SUGCT: variants seen among roughly 807,000 people sequenced by gnomAD.
The protein encoded by SUGCT is succinyl-CoA:glutarate-CoA transferase.
Under a neutral mutation model 55.0 loss-of-function variants are expected in SUGCT, and 41 were observed. The observed-to-expected ratio is 0.74, with a 90% CI of 0.58 to 0.97. The LOEUF (loss-of-function observed/expected upper bound fraction) is 0.97, where lower values mean the gene tolerates loss of function less well. Among genes scored for constraint, SUGCT ranks in the 50% least tolerant of loss-of-function variants. The probability of loss-of-function intolerance (pLI) is 0.00; values close to 1 mark genes in which losing one functional copy is unlikely to be tolerated. For synonymous variants in SUGCT, 187 were observed against 200.4 expected (o/e 0.93, Z 0.56); for missense variants, 568 against 547.8 (o/e 1.04, Z -0.37).
At chr7:40,612,107 A>T (rs1418758837) in intron 12 of SUGCT, among the ~76,000 whole-genome samples, 1 of 151,378 alleles carries the variant, frequency 6.6e-6, no homozygotes, top group Non-Finnish European at 1.5e-5. Context: ...TTCTATGTTC[A>T]TGATGTCTCT....
At chr7:40,888,060 C>A in the SUGCT span, among the ~76,000 whole-genome samples, 1 of 152,090 alleles carries the variant, frequency 6.6e-6, no homozygotes, top group Non-Finnish European at 1.5e-5. Context: ...GACTCCAAAG[C>A]CAATGCATTT....
chr7:40,847,411 CTT>C (rs981613426), intron 13 of SUGCT, among the ~76,000 whole-genome samples: 145 of 75,380 alleles, frequency 1.9e-3, no homozygotes, highest in Middle Eastern at 8.8e-3. Context: ...TTCTTTCTTT[CTT>C]TTTTTTTTTT....
At chr7:40,383,270 C>G (rs1032522366) in intron 9 of SUGCT, among the ~76,000 whole-genome samples, 1 of 152,164 alleles carries the variant, frequency 6.6e-6, no homozygotes, top group Admixed American at 6.6e-5. Context: ...GAGATTTGCT[C>G]TAATTCATGT....
the SUGCT span, among the ~76,000 whole-genome samples, chr7:40,926,999 C>G: frequency 6.6e-6 from 1 of 152,170 alleles, no homozygotes; most frequent in Admixed American, 6.5e-5. Flanking sequence ...GACAGTATAA[C>G]TGTTTAGACA....
chr7:40,700,443 C>T (rs1245339525), intron 12 of SUGCT, among the ~76,000 whole-genome samples: 1 of 152,152 alleles, frequency 6.6e-6, no homozygotes, highest in Non-Finnish European at 1.5e-5. Context: ...AGTGGGAAAC[C>T]TCCCCAATAT....
At chr7:40,822,762 A>G (rs1393751076) in intron 13 of SUGCT, among the ~76,000 whole-genome samples, 3 of 152,138 alleles carry the variant, frequency 2.0e-5, no homozygotes, top group Non-Finnish European at 4.4e-5. Flanking sequence ...GTAATCTCAT[A>G]TTGTTGAACG....
intron 12 of SUGCT, among the ~76,000 whole-genome samples, chr7:40,602,028 C>T (rs1424963813): frequency 2.0e-5 from 3 of 152,116 alleles, no homozygotes; most frequent in Non-Finnish European, 2.9e-5. Flanking sequence ...CCTTGGAGAC[C>T]TCTTCATATA....
intron 12 of SUGCT, among the ~76,000 whole-genome samples, chr7:40,705,345 T>C (rs2128665929): frequency 6.6e-6 from 1 of 152,304 alleles, no homozygotes; most frequent in Admixed American, 6.5e-5. Context: ...CCCAGGTAGA[T>C]TTAGATAATG....
chr7:40,300,201 T>G (rs927208241), intron 8 of SUGCT, among the ~76,000 whole-genome samples: 3 of 152,184 alleles, frequency 2.0e-5, no homozygotes, highest in Non-Finnish European at 4.4e-5. Flanking sequence ...GATGTTACCC[T>G]GAAGTCATAC....
At chr7:40,483,367 C>A (rs1791160618) in intron 11 of SUGCT, among the ~76,000 whole-genome samples, 1 of 152,152 alleles carries the variant, frequency 6.6e-6, no homozygotes. Flanking sequence ...TTTGCCTCCC[C>A]ACAAATGTTA....
chr7:40,439,735 G>A (rs550115680), intron 9 of SUGCT, among the ~76,000 whole-genome samples: 2 of 152,218 alleles, frequency 1.3e-5, no homozygotes, highest in East Asian at 3.9e-4. Context: ...AGTCCTCCTC[G>A]ACATGGGAAC....
chr7:40,836,613 C>T (rs1792993479), intron 13 of SUGCT, among the ~76,000 whole-genome samples: 1 of 152,210 alleles, frequency 6.6e-6, no homozygotes, highest in Admixed American at 6.5e-5. Flanking sequence ...ACTTCCCTCT[C>T]TCCCTCCTTC....
intron 11 of SUGCT, among the ~76,000 whole-genome samples, chr7:40,460,661 A>G (rs1437325095): frequency 6.6e-6 from 1 of 152,128 alleles, no homozygotes; most frequent in African/African-American, 2.4e-5. Context: ...GTGTTTTAAA[A>G]CTTTTATTCC....
the SUGCT span, among the ~76,000 whole-genome samples, chr7:40,887,150 T>C: frequency 1.3e-5 from 2 of 152,108 alleles, no homozygotes; most frequent in East Asian, 3.9e-4. Context: ...AAGTTGAAGA[T>C]TGAAGCAGAG....
intron 13 of SUGCT, among the ~76,000 whole-genome samples, chr7:40,779,870 C>CACAT (rs1188000917): frequency 6.6e-6 from 1 of 152,106 alleles, no homozygotes; most frequent in African/African-American, 2.4e-5. Flanking sequence ...ACGACACCAC[C>CACAT]ACATGTCTTT....
chr7:40,359,159 A>G (rs1256729912), intron 9 of SUGCT, among the ~76,000 whole-genome samples: 1 of 151,994 alleles, frequency 6.6e-6, no homozygotes, highest in African/African-American at 2.4e-5. Context: ...GTATGTATGT[A>G]TGTACATGTA....
chr7:40,921,149 C>A, the SUGCT span, among the ~76,000 whole-genome samples: 2 of 152,042 alleles, frequency 1.3e-5, no homozygotes, highest in Non-Finnish European at 2.9e-5. Context: ...TAGTATAAAT[C>A]AAAAATATTC....
chr7:40,401,504 T>A (rs1786064974), intron 9 of SUGCT, among the ~76,000 whole-genome samples: 1 of 152,200 alleles, frequency 6.6e-6, no homozygotes, highest in Non-Finnish European at 1.5e-5. Context: ...GGCAAGACAC[T>A]GTTAGGGCCC....
chr7:40,135,361 C>T (rs1431781660), intron 1 of SUGCT, among the ~76,000 whole-genome samples: 2 of 152,246 alleles, frequency 1.3e-5, no homozygotes, highest in Non-Finnish European at 2.9e-5. Flanking sequence ...CGTGGGGTCC[C>T]GCTCCTGCGC....
Sources: gnomAD v4.1 joint callset for allele counts (sites outside exome capture counted in the v4.1 genomes callset) on GRCh38, gnomAD v4.1.1 for gene constraint, MANE v1.5 for transcripts, NCBI Gene and HGNC (gene_info 2026-07-23, HGNC 2026-07-21) for gene names.